The following SP110 variants were observed in gnomAD, a reference collection of about 807,000 sequenced individuals.
The protein encoded by SP110 is SP110 nuclear body protein, also known as interferon-induced protein 41, 30kD.
Under a neutral mutation model 92.7 loss-of-function variants are expected in SP110, and 62 were observed. The ratio of observed to expected loss-of-function variants is 0.67; its 90% CI spans 0.55 to 0.83. The LOEUF (loss-of-function observed/expected upper bound fraction) is 0.83, where lower values mean the gene tolerates loss of function less well. Among genes scored for constraint, SP110 ranks in the 40% least tolerant of loss-of-function variants. SP110 has a pLI of 0.00. For synonymous variants in SP110, 273 were observed against 305.3 expected (o/e 0.89, Z 1.10); for missense variants, 793 against 863.9 (o/e 0.92, Z 1.03).
At chr2:230,220,141 G>A, upstream of SP110, 5 of 935,744 alleles carry the variant, frequency 5.3e-6, no homozygotes, top group Non-Finnish European at 6.4e-6. Context: ...CTTGGCAGTT[G>A]GGGTTTGGGG....
intron 15 of SP110, 146 bp from the exon 16 acceptor site, chr2:230,172,320 G>C (rs1034573411): frequency 4.2e-6 from 3 of 714,212 alleles, no homozygotes; most frequent in African/African-American, 3.5e-5. Flanking sequence ...CCCCACATGG[G>C]GTCTCCAGCA....
At chr2:230,169,373 G>A (rs1156732790) in intron 18 of SP110, 136 bp from the exon 19 acceptor site, 10 of 687,448 alleles carry the variant, frequency 1.5e-5, no homozygotes, top group Middle Eastern at 3.1e-4. Flanking sequence ...CAGTGGCACC[G>A]TCATGGCTCA....
intron 14 of SP110, chr2:230,173,605 C>G (rs1355307586): frequency 1.3e-5 from 2 of 153,534 alleles, no homozygotes; most frequent in Admixed American, 6.4e-5. Context: ...AGGATTGAAA[C>G]TCATTATGGA....
In SP110 at chr2:230,183,298, C is replaced by G. The variant is rs142261278; in HGVS notation, c.1348+274G>C. Among the ~76,000 whole-genome samples, 5 of 152,314 alleles carry G rather than the reference C, an allele frequency of 3.3e-5. No homozygotes were observed. The East Asian group carries it at 9.6e-4, about 29-fold the overall frequency. ...CATAGAAGTTCATTTTAGAATTTGA[C>G]TTAAAGGTTTAGTGATCATCCTTAA... On this transcript the variant is annotated intron_variant, in intron 12 of 18. Coordinates refer to ENST00000258381, the MANE Select transcript of SP110 (RefSeq NM_080424.4).
intron 17 of SP110, chr2:230,171,477 G>T (rs2078438245): frequency 1.7e-6 from 1 of 586,200 alleles, no homozygotes. Context: ...GAAGCAACTT[G>T]CCCGGTATCC....
Position 230,219,875 on chromosome 2 carries a change from T to A in SP110, c.-3A>T. ...AAAGCAGCAAAGACAGAAACTCACCTGGACTTTGAGTTTGTCGTTCCTGCC... is the reference window on the plus strand; with the variant it reads ...AAAGCAGCAAAGACAGAAACTCACCAGGACTTTGAGTTTGTCGTTCCTGCC... On this transcript the variant is annotated splice_region_variant and 5_prime_UTR_variant, in exon 1 of 19. Coordinates refer to ENST00000258381, the MANE Select transcript of SP110 (RefSeq NM_080424.4). The A allele has an allele frequency of 2.0e-6, 2 of 976,212 alleles. No homozygotes were observed. Among genetic ancestry groups the A allele is most frequent in the Non-Finnish European group, 2.4e-6 (2 of 821,340 alleles). 60.5% of individuals were successfully genotyped at this position (976,212 alleles called of 1,614,324 possible). A position where few individuals can be genotyped will look rare whatever the true frequency, so the allele number is the denominator to read the frequency against.
intron 15 of SP110, 30 bp downstream of exon 15, chr2:230,172,814 G>GC: frequency 6.9e-7 from 1 of 1,445,004 alleles, no homozygotes; most frequent in Non-Finnish European, 9.7e-7. Flanking sequence ...TGAGTGCTGT[G>GC]TGCCCGAGGC....
At chr2:230,176,724 T>G in intron 14 of SP110, 1 of 1,614,096 alleles carries the variant, frequency 6.2e-7, no homozygotes, top group South Asian at 1.1e-5. Flanking sequence ...AAAAGTCCAC[T>G]CTGAAAGACA....
At position 230,168,812 on chromosome 2, in the gene SP110, C is replaced by T; in HGVS notation, c.*312G>A. 1 of 284,300 alleles carries T rather than the reference C, an allele frequency of 3.5e-6. No homozygotes were observed. The highest frequency in any genetic ancestry group is 4.1e-5 in the South Asian group (1 of 24,478). 17.6% of individuals were successfully genotyped at this position (284,300 alleles called of 1,614,324 possible). Reference sequence around the variant, plus strand: ...GGAGAGCCAAATGCAGTGTGTGGAACTTGTTTAGATCCTGATTTGAACAAA... The same window carrying T: ...GGAGAGCCAAATGCAGTGTGTGGAATTTGTTTAGATCCTGATTTGAACAAA... On this transcript the variant is annotated 3_prime_UTR_variant, in exon 19 of 19. Transcript: ENST00000258381.
rs547113196 is a variant in SP110, at chr2:230,170,477, C to T, written c.2028+144G>A. The T allele has an allele frequency of 1.1e-4, 99 of 927,200 alleles. No individual in the cohort carries two copies. In the African/African-American group the frequency reaches 1.1e-3, roughly 10 times the overall value. 57.4% of individuals were successfully genotyped at this position (927,200 alleles called of 1,614,324 possible). A position where few individuals can be genotyped will look rare whatever the true frequency, so the allele number is the denominator to read the frequency against. ...ACTCACTCCTTGCCTCCAGGAATGC[C>T]GAGGTGGTTTTTTTTCTGTAATCCT... On this transcript the variant is annotated intron_variant, in intron 18 of 18. Transcript: ENST00000258381.
chr2:230,184,859 T>C (rs1002163536), intron 11 of SP110, among the ~76,000 whole-genome samples: 15 of 152,278 alleles, frequency 9.9e-5, no homozygotes, highest in Non-Finnish European at 4.4e-5. Context: ...CAAATCTCAG[T>C]GGTTTATTAC....
chr2:230,210,890 G>C (rs553910543), intron 6 of SP110, among the ~76,000 whole-genome samples: 1 of 152,204 alleles, frequency 6.6e-6, no homozygotes, highest in Non-Finnish European at 1.5e-5. Flanking sequence ...AAGTGATATA[G>C]AAATGACCAG....
At chr2:230,202,440 C>T in intron 9 of SP110, 139 bp downstream of exon 9, 1 of 766,470 alleles carries the variant, frequency 1.3e-6, no homozygotes, top group Non-Finnish European at 2.1e-6. Flanking sequence ...CTTTGTTCCT[C>T]TTGTTATACC....
intron 14 of SP110, chr2:230,173,712 C>T (rs1002336032): frequency 2.0e-5 from 3 of 152,112 alleles, no homozygotes; most frequent in African/African-American, 7.2e-5. Flanking sequence ...AATGGTGCCT[C>T]TCGGTGAATT....
At position 230,166,237 on chromosome 2, in the gene SP110, T is replaced by G. The variant is rs1252952457; in HGVS notation, c.*2887A>C. On this transcript the variant is annotated 3_prime_UTR_variant, in exon 19 of 19. Coordinates refer to ENST00000258381, the MANE Select transcript of SP110 (RefSeq NM_080424.4). ...ACCACAAATGAAATAGATGACTTCT[T>G]AGAAAAACATAAAAGCAGAGCTGTC... Among the ~76,000 whole-genome samples, 1 of 152,112 alleles carries G rather than the reference T, an allele frequency of 6.6e-6. No homozygotes were observed. Among genetic ancestry groups the G allele is most frequent in the Non-Finnish European group, 1.5e-5 (1 of 68,022 alleles).
intron 1 of SP110, among the ~76,000 whole-genome samples, chr2:230,217,938 G>T (rs979882243): frequency 2.6e-5 from 4 of 152,136 alleles, no homozygotes; most frequent in Admixed American, 2.6e-4. Flanking sequence ...AAAGCATGAG[G>T]GCTGAGAAAG....
Position 230,184,656 on chromosome 2 carries a change from A to G in SP110, c.1280-1016T>C, listed in dbSNP as rs569807067. On this transcript the variant is annotated intron_variant, in intron 11 of 18. Transcript: ENST00000258381. ...GTTCAAAGACAGAAACCAAATCAGAAAAACTAATAATTATAACAAAGGGTT... is the reference window on the plus strand; with the variant it reads ...GTTCAAAGACAGAAACCAAATCAGAGAAACTAATAATTATAACAAAGGGTT... Among the ~76,000 whole-genome samples, 98 of 151,934 alleles carry G rather than the reference A, an allele frequency of 6.5e-4. No homozygotes were observed. In the South Asian group the frequency reaches 7.1e-3, roughly 11 times the overall value.
chr2:230,171,295 T>C (rs1300196189), intron 17 of SP110, among the ~76,000 whole-genome samples: 1 of 152,252 alleles, frequency 6.6e-6, no homozygotes, highest in Non-Finnish European at 1.5e-5. Context: ...TTTTGCCATG[T>C]TGGCCAAGCT....
intron 5 of SP110, 129 bp downstream of exon 5, chr2:230,212,218 T>G: frequency 1.4e-6 from 1 of 734,108 alleles, no homozygotes; most frequent in Non-Finnish European, 2.4e-6. Flanking sequence ...TGGCCCCTTC[T>G]GTTTCTTTTC....
Sources: gnomAD v4.1 joint callset for allele counts (sites outside exome capture counted in the v4.1 genomes callset) on GRCh38, gnomAD v4.1.1 for gene constraint, MANE v1.5 for transcripts, NCBI Gene and HGNC (gene_info 2026-07-23, HGNC 2026-07-21) for gene names.